The following KLHL25 variants were observed in gnomAD, a reference collection of about 807,000 sequenced individuals.
The protein encoded by KLHL25 is kelch like family member 25, also known as kelch-like protein 25.
Under a neutral mutation model 30.0 loss-of-function variants are expected in KLHL25, and 41 were observed. The ratio of observed to expected loss-of-function variants is 1.37; its 90% CI spans 1.07 to 1.78. The LOEUF is 1.78. Among genes scored for constraint, KLHL25 ranks in the 40% most tolerant of loss-of-function variants. The probability of loss-of-function intolerance (pLI) is 0.00; values close to 1 mark genes in which losing one functional copy is unlikely to be tolerated. For synonymous variants in KLHL25, 399 were observed against 355.3 expected (o/e 1.12, Z -1.38); for missense variants, 971 against 824.5 (o/e 1.18, Z -2.18).
At chr15:85,786,252 T>C (rs1462334579) in intron 1 of KLHL25, among the ~76,000 whole-genome samples, 1 of 152,206 alleles carries the variant, frequency 6.6e-6, no homozygotes, top group Non-Finnish European at 1.5e-5. Context: ...TAGGTCAGGC[T>C]GGCTGGGATC....
At chr15:85,777,022 G>A (rs1313982063) in intron 1 of KLHL25, among the ~76,000 whole-genome samples, 2 of 152,216 alleles carry the variant, frequency 1.3e-5, no homozygotes, top group Non-Finnish European at 2.9e-5. Context: ...CAGGTGGACA[G>A]TTTGCTGGGC....
chr15:85,770,653 G>A, intron 1 of KLHL25: 1 of 471,296 alleles, frequency 2.1e-6, no homozygotes, highest in Non-Finnish European at 4.5e-6. Context: ...ATGACAGCAG[G>A]ACATGCCGAA....
chr15:85,770,766 C>T (rs568133362), intron 1 of KLHL25, among the ~76,000 whole-genome samples: 16 of 152,308 alleles, frequency 1.1e-4, no homozygotes, highest in African/African-American at 3.6e-4. Context: ...GCCAACGCAG[C>T]GCCTCCCCTG....
In KLHL25 at chr15:85,759,722, T is replaced by C. The variant is rs1235587242; in HGVS notation, c.*1314A>G. ...CTCGTGGCTGCTTAAGTAACTGGTA[T>C]GTGCACAGCCCCCTCCGCGGCCCTA... is the stretch of plus-strand genomic sequence containing the variant. On this transcript the variant is annotated 3_prime_UTR_variant, in exon 3 of 3. Transcript: ENST00000337975. 6.6e-6 allele frequency: 1 copy of C among 152,272 alleles called. No individual in the cohort carries two copies. Among genetic ancestry groups the C allele is most frequent in the African/African-American group, 2.4e-5 (1 of 41,450 alleles). 9.4% of individuals were successfully genotyped at this position (152,272 alleles called of 1,614,324 possible).
intron 1 of KLHL25, among the ~76,000 whole-genome samples, chr15:85,791,119 T>A (rs1392330398): frequency 6.9e-6 from 1 of 145,172 alleles, no homozygotes; most frequent in East Asian, 2.0e-4. Flanking sequence ...CTGGTTGACT[T>A]GAGAGGTGGA....
intron 1 of KLHL25, among the ~76,000 whole-genome samples, chr15:85,790,897 G>A (rs940599123): frequency 3.5e-5 from 5 of 142,810 alleles, no homozygotes; most frequent in Admixed American, 1.4e-4. Flanking sequence ...CCACAGAGCT[G>A]CCATTTAAAA....
chr15:85,789,389 T>A lies in KLHL25; in HGVS notation c.-11+5377A>T, dbSNP rs1230779902. ...CCTGCTGGGCTCCCTTGAGATCCCT[T>A]TTTTTTTTTTTGACAGAATTTTACT... is the stretch of plus-strand genomic sequence containing the variant. On this transcript the variant is annotated intron_variant, in intron 1 of 2. Transcript: ENST00000337975. The surrounding 1 kb of genome is among the most constrained non-coding windows in gnomAD (Gnocchi z 4.1). Among the ~76,000 whole-genome samples the A allele has an allele frequency of 1.4e-5, 1 of 70,892 alleles. No individual in the cohort carries two copies. The highest frequency in any genetic ancestry group is 4.0e-5 in the African/African-American group (1 of 24,982). 46.5% of individuals were successfully genotyped at this position (70,892 alleles called of 152,430 possible).
intron 1 of KLHL25, among the ~76,000 whole-genome samples, 188 bp downstream of exon 1, chr15:85,794,578 G>A (rs1196569673): frequency 6.6e-6 from 1 of 152,092 alleles, no homozygotes; most frequent in Non-Finnish European, 1.5e-5. Flanking sequence ...CCGGCCGGCC[G>A]CCGCTCCCCA....
chr15:85,770,579 C>T (rs766341330), intron 1 of KLHL25: 2 of 532,194 alleles, frequency 3.8e-6, no homozygotes, highest in South Asian at 1.4e-5. Flanking sequence ...CTAGCTGGGG[C>T]AAGTGATGGC....
Position 85,768,954 on chromosome 15 carries a change from G to C in KLHL25, c.857C>G (p.Pro286Arg), listed in dbSNP as rs1218874961. ...ILQNDGVVTS[P>R]CARPRKAGHT... Reference sequence around the variant, plus strand: ...GCCCGCCTTGCGTGGCCGGGCACAGGGGCTGGTGACCACGCCATCATTCTG... The same window carrying C: ...GCCCGCCTTGCGTGGCCGGGCACAGCGGCTGGTGACCACGCCATCATTCTG... Residue 286 changes from proline (P) to arginine (R), a missense_variant, in exon 2 of 3, where the codon CCC (proline) becomes CGC (arginine). Pro to Arg is a moderately radical substitution (Grantham distance 103, BLOSUM62 -2). Transcript: ENST00000337975. The C allele has an allele frequency of 6.2e-7, 1 of 1,613,124 alleles. No individual in the cohort carries two copies.
chr15:85,780,500 G>A (rs1004922729), intron 1 of KLHL25, among the ~76,000 whole-genome samples: 12 of 152,180 alleles, frequency 7.9e-5, no homozygotes, highest in Non-Finnish European at 5.9e-5. Context: ...CCCACAGATG[G>A]AGCCATTAAA....
At chr15:85,765,434 T>C (rs1370449897) in intron 2 of KLHL25, among the ~76,000 whole-genome samples, 3 of 151,952 alleles carry the variant, frequency 2.0e-5, no homozygotes, top group Non-Finnish European at 2.9e-5. Context: ...GAGACCAGCC[T>C]GGCCAACACG....
At chr15:85,777,334 C>A (rs1288713684) in intron 1 of KLHL25, among the ~76,000 whole-genome samples, 5 of 152,238 alleles carry the variant, frequency 3.3e-5, no homozygotes, top group African/African-American at 1.2e-4. Flanking sequence ...GCTTCACCTG[C>A]TTTCCTGAGG....
intron 1 of KLHL25, among the ~76,000 whole-genome samples, chr15:85,779,177 GGCA>G (rs1567241702): frequency 1.3e-5 from 2 of 152,088 alleles, no homozygotes; most frequent in African/African-American, 4.8e-5. Flanking sequence ...GCCATGGATG[GGCA>G]GCACCTGCCT....
chr15:85,774,455 T>C (rs956757451), intron 1 of KLHL25, among the ~76,000 whole-genome samples: 1 of 152,104 alleles, frequency 6.6e-6, no homozygotes, highest in African/African-American at 2.4e-5. Flanking sequence ...GAAAGTTAAA[T>C]GCACAAAGAA....
At chr15:85,772,654 G>A (rs2089684480) in intron 1 of KLHL25, among the ~76,000 whole-genome samples, 1 of 152,206 alleles carries the variant, frequency 6.6e-6, no homozygotes, top group African/African-American at 2.4e-5. Context: ...GGGGGTTATG[G>A]GCAGGACAAA....
intron 1 of KLHL25, among the ~76,000 whole-genome samples, chr15:85,774,940 G>C (rs190803125): frequency 6.7e-6 from 1 of 149,730 alleles, no homozygotes; most frequent in Non-Finnish European, 1.5e-5. Flanking sequence ...GCAATGGCGC[G>C]ATCTCAGCTC....
intron 1 of KLHL25, among the ~76,000 whole-genome samples, chr15:85,791,488 CCTT>C (rs1032731474): frequency 6.6e-6 from 1 of 152,194 alleles, no homozygotes; most frequent in Admixed American, 6.5e-5. Flanking sequence ...GAGCGAGACT[CCTT>C]CTCAAAAGAA....
Position 85,785,969 on chromosome 15 carries a change from C to G in KLHL25, c.-11+8797G>C, listed in dbSNP as rs1339561099. Reference sequence around the variant, plus strand: ...CCAGCAAAGGCAGCCGACCCACCCCCCCGCCCCAGGAGGACCCATGCAAAA... The same window carrying G: ...CCAGCAAAGGCAGCCGACCCACCCCGCCGCCCCAGGAGGACCCATGCAAAA... On this transcript the variant is annotated intron_variant, in intron 1 of 2. Coordinates refer to ENST00000337975, the MANE Select transcript of KLHL25 (RefSeq NM_022480.4). Among the ~76,000 whole-genome samples, 3 of 143,010 alleles carry G rather than the reference C, an allele frequency of 2.1e-5. 1 individual carries two copies. The highest frequency in any genetic ancestry group is 7.5e-5 in the African/African-American group (3 of 39,742). The allele number at this position is 143,010 out of a possible 152,430, so 93.8% of individuals were successfully genotyped here.
Sources: allele counts gnomAD v4.1 joint callset (sites outside exome capture counted in the v4.1 genomes callset), GRCh38; gene constraint gnomAD v4.1.1; non-coding constraint Gnocchi (gnomAD v3.1); transcripts MANE v1.5; gene names NCBI Gene and HGNC (gene_info 2026-07-23, HGNC 2026-07-21).